Variants in SLCO1B3 observed in about 807,000 individuals in gnomAD.
The protein encoded by SLCO1B3 is solute carrier organic anion transporter family member 1B3, also known as liver-specific organic anion transporter 2.
A neutral mutation model predicts 71.8 loss-of-function variants in SLCO1B3; 72 were observed. The ratio of observed to expected loss-of-function variants is 1.00; its 90% CI spans 0.83 to 1.22. SLCO1B3 has a LOEUF of 1.22. SLCO1B3 is among the 50% of genes most tolerant of loss of function. The pLI, the probability that SLCO1B3 is intolerant of heterozygous loss-of-function variation, is 0.00. For synonymous variants in SLCO1B3, 298 were observed against 278.4 expected (o/e 1.07, Z -0.70); for missense variants, 911 against 819.7 (o/e 1.11, Z -1.36).
chr12:20,839,753 T>C (rs1245783871), intron 3 of SLCO1B3, among the ~76,000 whole-genome samples: 1 of 152,142 alleles, frequency 6.6e-6, no homozygotes, highest in Non-Finnish European at 1.5e-5. Flanking sequence ...ATATTTATTC[T>C]GTTTCATATT....
intron 3 of SLCO1B3, among the ~76,000 whole-genome samples, chr12:20,828,455 C>T (rs1864472399): frequency 6.6e-6 from 1 of 151,982 alleles, no homozygotes; most frequent in South Asian, 2.1e-4. Context: ...TAAGGAATCC[C>T]AGGCTGTTAG....
intron 2 of SLCO1B3, among the ~76,000 whole-genome samples, chr12:20,815,057 C>T (rs139853343): frequency 4.6e-4 from 67 of 144,100 alleles, no homozygotes; most frequent in Non-Finnish European, 5.1e-4. Flanking sequence ...ACCCTAAATA[C>T]AGTAAGATCA....
At chr12:20,900,120 TA>T (rs1866097841) in intron 14 of SLCO1B3, among the ~76,000 whole-genome samples, 1 of 152,316 alleles carries the variant, frequency 6.6e-6, no homozygotes, top group East Asian at 1.9e-4. Context: ...TGTTGGCATC[TA>T]TTTTTTTTTA....
At chr12:20,884,661 A>G (rs1043362986) in intron 13 of SLCO1B3, among the ~76,000 whole-genome samples, 2 of 152,106 alleles carry the variant, frequency 1.3e-5, no homozygotes, top group African/African-American at 4.8e-5. Flanking sequence ...ATGCATGTAG[A>G]TCTTAAAAAT....
chr12:20,815,913 A>C, intron 3 of SLCO1B3, 91 bp downstream of exon 3: 1 of 620,998 alleles, frequency 1.6e-6, no homozygotes, highest in South Asian at 2.6e-5. Context: ...AGAACATTAT[A>C]TCTCATATTA....
In SLCO1B3 at chr12:20,855,107, T is replaced by C. The variant is rs773836341; in HGVS notation, c.164T>C (p.Ile55Thr). 2.5e-6 allele frequency: 4 copies of C among 1,612,142 alleles called. No individual in the cohort carries two copies. Among genetic ancestry groups the C allele is most frequent in the Non-Finnish European group, 3.4e-6 (4 of 1,179,106 alleles). Residue 55 changes from isoleucine (I) to threonine (T), a missense_variant, in exon 4 of 16, where the codon ATA (isoleucine) becomes ACA (threonine). Transcript: ENST00000381545. ...ATTATGAAAATTTCCATCACTCAAATAGAAAGGAGATTTGACATATCCTCT... is the reference window on the plus strand; with the variant it reads ...ATTATGAAAATTTCCATCACTCAAACAGAAAGGAGATTTGACATATCCTCT... The part of the protein sequence containing the change: ...GIIMKISITQ[I>T]ERRFDISSSL...
intron 3 of SLCO1B3, among the ~76,000 whole-genome samples, chr12:20,821,787 A>T (rs1336932356): frequency 6.6e-6 from 1 of 152,200 alleles, no homozygotes; most frequent in Non-Finnish European, 1.5e-5. Context: ...CACCTTTGAA[A>T]TGTGGGTGAA....
intron 15 of SLCO1B3, among the ~76,000 whole-genome samples, chr12:20,915,207 C>CT (rs1310803013): frequency 2.6e-5 from 4 of 151,750 alleles, no homozygotes; most frequent in Non-Finnish European, 4.4e-5. Context: ...TTTTTCTTTG[C>CT]TTTTTTTATT....
In SLCO1B3 at chr12:20,822,558, G is replaced by A. The variant is rs371232928; in HGVS notation, c.84+6736G>A. ...TTCTTCAGTTACTTCAGGCCATCTCGGCGTATACGTGCAAGTCACAGGGGA... is the reference window on the plus strand; with the variant it reads ...TTCTTCAGTTACTTCAGGCCATCTCAGCGTATACGTGCAAGTCACAGGGGA... On this transcript the variant is annotated intron_variant, in intron 3 of 15. Coordinates refer to ENST00000381545, the MANE Select transcript of SLCO1B3 (RefSeq NM_019844.4). Among the ~76,000 whole-genome samples, 178 of 152,216 alleles carry A rather than the reference G, an allele frequency of 1.2e-3. 4 individuals are homozygous for A. The South Asian group carries it at 0.033, about 28-fold the overall frequency.
intron 13 of SLCO1B3, among the ~76,000 whole-genome samples, chr12:20,886,841 G>A (rs564794045): frequency 1.3e-4 from 20 of 151,966 alleles, no homozygotes; most frequent in African/African-American, 4.1e-4. Flanking sequence ...ATATTCAATA[G>A]GTAGTATTTC....
chr12:20,863,946 AT>A (rs200980650), intron 8 of SLCO1B3, among the ~76,000 whole-genome samples: 3 of 151,042 alleles, frequency 2.0e-5, no homozygotes, highest in Admixed American at 6.6e-5. Flanking sequence ...TTCTTCTTAG[AT>A]TTTTTTTTAA....
At chr12:20,823,014 T>A (rs1864348272) in intron 3 of SLCO1B3, among the ~76,000 whole-genome samples, 1 of 152,106 alleles carries the variant, frequency 6.6e-6, no homozygotes, top group Admixed American at 6.6e-5. Flanking sequence ...GACCAATAGA[T>A]CCCACGTTAT....
chr12:20,881,398 A>G (rs1447461289), intron 12 of SLCO1B3, among the ~76,000 whole-genome samples: 1 of 152,206 alleles, frequency 6.6e-6, no homozygotes, highest in African/African-American at 2.4e-5. Context: ...GGGAAAGTTC[A>G]GAGTTAGCCT....
At chr12:20,911,990 C>A (rs916844849) in intron 15 of SLCO1B3, among the ~76,000 whole-genome samples, 3 of 152,004 alleles carry the variant, frequency 2.0e-5, no homozygotes, top group East Asian at 3.9e-4. Context: ...TCTTCTTTTT[C>A]TAGTTTGCTA....
At chr12:20,831,125 G>A (rs150134028) in intron 3 of SLCO1B3, among the ~76,000 whole-genome samples, 355 of 152,206 alleles carry the variant, frequency 2.3e-3, no homozygotes, top group African/African-American at 8.0e-3. Context: ...TTGGGAGGCC[G>A]AGGCTGGCAG....
chr12:20,878,066 A>G (rs1865618301), intron 10 of SLCO1B3, 130 bp downstream of exon 10: 1 of 581,894 alleles, frequency 1.7e-6, no homozygotes, highest in Non-Finnish European at 2.8e-6. Flanking sequence ...CTCAAACTTT[A>G]CAAAATTTCT....
rs933463488 is a variant in SLCO1B3 at position 20,875,235 on chromosome 12, G to T, written c.728G>T (p.Ser243Ile). ...MYVDIGYVDLSTIRITPKDSR... is the reference protein window; with the variant it reads ...MYVDIGYVDLITIRITPKDSR... ...GGCTTCTTTTAACTGTTTCTCCTAG[G>T]CACTATCAGAATAACTCCTAAGGAC... is the stretch of plus-strand genomic sequence containing the variant. Residue 243 changes from serine (S) to isoleucine (I), a missense_variant and splice_region_variant, in exon 9 of 16, where the codon AGC (serine) becomes ATC (isoleucine). Coordinates refer to ENST00000381545, the MANE Select transcript of SLCO1B3 (RefSeq NM_019844.4). 1 of 1,612,042 alleles carries T rather than the reference G, an allele frequency of 6.2e-7. No individual in the cohort carries two copies. Among genetic ancestry groups the T allele is most frequent in the Non-Finnish European group, 8.5e-7 (1 of 1,179,516 alleles).
chr12:20,882,696 G>T (rs1002389225), intron 12 of SLCO1B3, among the ~76,000 whole-genome samples: 1 of 152,050 alleles, frequency 6.6e-6, no homozygotes, highest in Non-Finnish European at 1.5e-5. Flanking sequence ...GAGTGACCAC[G>T]CCTGGCCAAT....
chr12:20,899,699 C>T (rs562044850), intron 14 of SLCO1B3, among the ~76,000 whole-genome samples: 5 of 152,274 alleles, frequency 3.3e-5, no homozygotes, highest in Admixed American at 2.6e-4. Flanking sequence ...ATCTGGGCCA[C>T]AGAGGCTGAA....
Sources: allele counts gnomAD v4.1 joint callset (sites outside exome capture counted in the v4.1 genomes callset), GRCh38; gene constraint gnomAD v4.1.1; transcripts MANE v1.5; gene names NCBI Gene and HGNC (gene_info 2026-07-23, HGNC 2026-07-21).